Variants in TNN observed in about 807,000 individuals in gnomAD.
TNN encodes tenascin-N.
Under a neutral mutation model 134.4 loss-of-function variants are expected in TNN, and 122 were observed. The observed-to-expected ratio is 0.91, with a 90% CI of 0.78 to 1.06. TNN has a LOEUF of 1.06. Ranked by LOEUF, TNN falls within the 50% of genes least tolerant of loss-of-function variation. The probability of loss-of-function intolerance (pLI) is 0.00; values close to 1 mark genes in which losing one functional copy is unlikely to be tolerated. For missense variants in TNN, 1,739 were observed against 1,699.4 expected (o/e 1.02, Z -0.41); for synonymous variants, 710 against 670.3 (o/e 1.06, Z -0.91).
chr1:175,111,060 G>A (rs895577834), intron 9 of TNN, among the ~76,000 whole-genome samples: 4 of 151,940 alleles, frequency 2.6e-5, no homozygotes, highest in Non-Finnish European at 4.4e-5. Context: ...GCTCACGCCT[G>A]TAATCCCAGT....
intron 9 of TNN, among the ~76,000 whole-genome samples, chr1:175,105,924 C>G (rs1276563075): frequency 6.9e-6 from 1 of 145,852 alleles, no homozygotes; most frequent in Non-Finnish European, 1.5e-5. Context: ...CAGAAACAAC[C>G]CCTGCCCAAG....
At chr1:175,067,967 C>T in intron 1 of TNN, 32 bp downstream of exon 1, 1 of 462,336 alleles carries the variant, frequency 2.2e-6, no homozygotes, top group Non-Finnish European at 4.3e-6. Context: ...GCTTTACTTA[C>T]TGGAGGGAGG....
At chr1:175,111,135 C>G (rs1230855592) in intron 9 of TNN, among the ~76,000 whole-genome samples, 1 of 151,928 alleles carries the variant, frequency 6.6e-6, no homozygotes, top group African/African-American at 2.4e-5. Flanking sequence ...CTGGCCAACA[C>G]GGTGAAACTC....
chr1:175,091,341 T>G (rs930034034), intron 6 of TNN, among the ~76,000 whole-genome samples: 3 of 152,166 alleles, frequency 2.0e-5, no homozygotes, highest in Non-Finnish European at 4.4e-5. Flanking sequence ...TTAAACTTCT[T>G]TAAACCTCCA....
chr1:175,104,686 C>T (rs1674806993), intron 9 of TNN, among the ~76,000 whole-genome samples: 1 of 145,390 alleles, frequency 6.9e-6, no homozygotes, highest in Admixed American at 6.9e-5. Flanking sequence ...TTAATAATGT[C>T]TCTAGATTTT....
At chr1:175,080,561 A>G in intron 4 of TNN, 135 bp downstream of exon 4, 1 of 1,111,812 alleles carries the variant, frequency 9.0e-7, no homozygotes. Flanking sequence ...TAGGTTCTGA[A>G]GAGTCCCAGT....
At chr1:175,124,368 G>A (rs560484625) in intron 12 of TNN, among the ~76,000 whole-genome samples, 8 of 152,238 alleles carry the variant, frequency 5.3e-5, no homozygotes, top group South Asian at 2.1e-4. Flanking sequence ...AAATAGAGAC[G>A]TGTTAAAACA....
intron 11 of TNN, among the ~76,000 whole-genome samples, chr1:175,119,087 C>G (rs551944799): frequency 4.5e-4 from 69 of 152,284 alleles, no homozygotes; most frequent in African/African-American, 1.6e-3. Context: ...GGATCTTGTG[C>G]AAGAAAGAGT....
At chr1:175,083,508 T>G (rs1323828137) in intron 4 of TNN, among the ~76,000 whole-genome samples, 1 of 152,132 alleles carries the variant, frequency 6.6e-6, no homozygotes, top group Non-Finnish European at 1.5e-5. Flanking sequence ...ACATGGCCTC[T>G]GATGGGATGG....
At chr1:175,137,975 A>G (rs1675856397) in intron 17 of TNN, among the ~76,000 whole-genome samples, 1 of 152,216 alleles carries the variant, frequency 6.6e-6, no homozygotes, top group Non-Finnish European at 1.5e-5. Flanking sequence ...TGGAGTACGA[A>G]GCAACTGGAG....
intron 13 of TNN, 77 bp from the exon 14 acceptor site, chr1:175,127,955 G>T: frequency 6.5e-7 from 1 of 1,547,376 alleles, no homozygotes; most frequent in South Asian, 1.1e-5. Flanking sequence ...TAGCACCAGG[G>T]AACGCTGTTG....
At chr1:175,080,016 C>T (rs1289226582) in intron 3 of TNN, 147 bp from the exon 4 acceptor site, 45 of 1,093,704 alleles carry the variant, frequency 4.1e-5, no homozygotes, top group East Asian at 1.7e-4. Flanking sequence ...ACCTGTCGTT[C>T]GGATAATAAC....
chr1:175,126,260 C>G (rs556539532), intron 12 of TNN, among the ~76,000 whole-genome samples: 95 of 152,020 alleles, frequency 6.2e-4, no homozygotes, highest in African/African-American at 2.3e-3. Flanking sequence ...CACCACCATA[C>G]CCGGCTAATT....
chr1:175,077,383 G>T lies in TNN; in HGVS notation c.-35-1G>T. 2 of 1,571,208 alleles carry T rather than the reference G, an allele frequency of 1.3e-6. No homozygotes were observed. The highest frequency in any genetic ancestry group is 1.2e-5 in the South Asian group (1 of 85,806). Reference sequence around the variant, plus strand: ...TTCTTTTGCAATGTTTCTGAATACAGGCATCCTGGAGGGTCTGCTCCCTGT... The same window carrying T: ...TTCTTTTGCAATGTTTCTGAATACATGCATCCTGGAGGGTCTGCTCCCTGT... On this transcript the variant is annotated splice_acceptor_variant, in intron 1 of 18. Transcript: ENST00000239462. LOFTEE classifies it low-confidence loss of function (5UTR_SPLICE).
rs575283021 is a variant in TNN, at chr1:175,104,701, A to G, written c.2119+6106A>G. ...TTAATAATGTCTCTAGATTTTGTTC[A>G]GGGCTCAGGGCTTGCTTTTGGAGCT... On this transcript the variant is annotated intron_variant, in intron 9 of 18. Transcript: ENST00000239462. Among the ~76,000 whole-genome samples, 108 of 145,732 alleles carry G rather than the reference A, an allele frequency of 7.4e-4. 12 individuals are homozygous for G. The highest frequency in any genetic ancestry group is 2.8e-3 in the South Asian group (12 of 4,322).
intron 11 of TNN, 47 bp from the exon 12 acceptor site, chr1:175,123,353 T>C (rs1202016228): frequency 6.3e-7 from 1 of 1,599,268 alleles, no homozygotes; most frequent in South Asian, 1.1e-5. Flanking sequence ...AGATGCGATG[T>C]CTTCCTTTGT....
At chr1:175,125,727 TTCTTTC>T (rs1675501489) in intron 12 of TNN, among the ~76,000 whole-genome samples, 2 of 100,130 alleles carry the variant, frequency 2.0e-5, no homozygotes, top group Non-Finnish European at 4.1e-5. Context: ...CTTTCTTTCT[TTCTTTC>T]TTTCTTTCTT....
intron 9 of TNN, among the ~76,000 whole-genome samples, chr1:175,114,918 G>T (rs536410705): frequency 2.8e-4 from 42 of 152,136 alleles, no homozygotes; most frequent in Admixed American, 1.4e-3. Context: ...TCTCTGTAAG[G>T]CCAGATGCAG....
chr1:175,108,486 G>A (rs935474317), intron 9 of TNN, among the ~76,000 whole-genome samples: 2 of 152,264 alleles, frequency 1.3e-5, no homozygotes, highest in Non-Finnish European at 2.9e-5. Flanking sequence ...TGGTCGATGG[G>A]ACTGGGCGCC....
Sources: gnomAD v4.1 joint callset for allele counts (sites outside exome capture counted in the v4.1 genomes callset) on GRCh38, gnomAD v4.1.1 for gene constraint, MANE v1.5 for transcripts, NCBI Gene and HGNC (gene_info 2026-07-23, HGNC 2026-07-21) for gene names.